PCDH9: variants seen among roughly 807,000 people sequenced by gnomAD.
PCDH9 encodes the protein protocadherin 9, also known as protocadherin-9.
Under a neutral mutation model 70.6 loss-of-function variants are expected in PCDH9, and 24 were observed. That is an observed-to-expected ratio of 0.34 (90% CI 0.25 to 0.48). The LOEUF (loss-of-function observed/expected upper bound fraction) is 0.48, where lower values mean the gene tolerates loss of function less well. Among genes scored for constraint, PCDH9 ranks in the 20% least tolerant of loss-of-function variants. The probability of loss-of-function intolerance (pLI) is 0.99; values close to 1 mark genes in which losing one functional copy is unlikely to be tolerated. For missense variants in PCDH9, 1,281 were observed against 1,503.6 expected (o/e 0.85, Z 2.45); for synonymous variants, 562 against 558.5 (o/e 1.01, Z -0.09).
chr13:66,773,772 T>G (rs541707935), intron 3 of PCDH9, among the ~76,000 whole-genome samples: 1 of 151,966 alleles, frequency 6.6e-6, no homozygotes, highest in Non-Finnish European at 1.5e-5. Flanking sequence ...GACCAATTTT[T>G]GTAATTTTTT....
intron 2 of PCDH9, among the ~76,000 whole-genome samples, chr13:66,980,742 G>GTTTTTTTTTTT (rs550869529): frequency 1.3e-4 from 14 of 107,380 alleles, no homozygotes; most frequent in Admixed American, 2.2e-4. Context: ...TTTTTTTTTT[G>GTTTTTTTTTTT]TTTTTTTTTT....
In PCDH9 at chr13:66,309,127, G is replaced by A. The variant is rs567141680; in HGVS notation, c.3341-4099C>T. 3.3e-5 allele frequency among the ~76,000 whole-genome samples: 5 copies of A among 151,996 alleles called. No homozygotes were observed. In the South Asian group the frequency reaches 1.0e-3, roughly 32 times the overall value. ...TATTTTGGGACATGACATTAAATAG[G>A]GAAAAGTTTAATTTGTTTCTTTGGG... On this transcript the variant is annotated intron_variant, in intron 4 of 4. Coordinates refer to ENST00000377865, the MANE Select transcript of PCDH9 (RefSeq NM_203487.3).
intron 2 of PCDH9, among the ~76,000 whole-genome samples, chr13:67,107,793 T>C (rs183843368): frequency 8.5e-5 from 13 of 152,284 alleles, no homozygotes; most frequent in Non-Finnish European, 1.9e-4. Flanking sequence ...TTGCTCACCA[T>C]ATTGCAGGCA....
intron 3 of PCDH9, among the ~76,000 whole-genome samples, chr13:66,698,909 T>C: frequency 8.0e-6 from 1 of 124,438 alleles, no homozygotes; most frequent in African/African-American, 2.7e-5. Context: ...TTTTTTTTTT[T>C]TTTTTTTTGT....
intron 4 of PCDH9, among the ~76,000 whole-genome samples, chr13:66,536,254 C>G (rs1420365659): frequency 1.3e-5 from 2 of 152,038 alleles, no homozygotes; most frequent in African/African-American, 4.8e-5. Context: ...GGGAGTACAA[C>G]AGCTGAAGCT....
chr13:66,680,108 C>G (rs866197503), intron 3 of PCDH9, among the ~76,000 whole-genome samples: 8 of 151,850 alleles, frequency 5.3e-5, no homozygotes, highest in Admixed American at 2.6e-4. Context: ...GGGGGATTGA[C>G]TATGTCCAAG....
At chr13:66,699,163 G>A (rs190326231) in intron 3 of PCDH9, among the ~76,000 whole-genome samples, 67 of 151,782 alleles carry the variant, frequency 4.4e-4, no homozygotes, top group Non-Finnish European at 7.9e-4. Flanking sequence ...ATCCTCCTTC[G>A]TTGGCCTCCC....
chr13:66,388,913 T>A (rs1227376376), intron 4 of PCDH9, among the ~76,000 whole-genome samples: 1 of 152,162 alleles, frequency 6.6e-6, no homozygotes, highest in Non-Finnish European at 1.5e-5. Context: ...AAACTAATAA[T>A]GACCAACATA....
chr13:66,591,816 C>T (rs568622235), intron 4 of PCDH9, among the ~76,000 whole-genome samples: 1 of 151,524 alleles, frequency 6.6e-6, no homozygotes, highest in African/African-American at 2.4e-5. Flanking sequence ...AGGGGGGGCT[C>T]ATTCTGCAAG....
chr13:66,909,444 A>C (rs2082420049), intron 2 of PCDH9, among the ~76,000 whole-genome samples: 1 of 152,048 alleles, frequency 6.6e-6, no homozygotes. Flanking sequence ...ACAAAAAAAA[A>C]AACATATCCT....
In PCDH9 at chr13:66,975,267, G is replaced by A. The variant is rs562010230; in HGVS notation, c.3037-71662C>T. ...AATTACTTTTAACGCTATTTGGAGA[G>A]ATCTCAATAAAATATGAACTATTTG... On this transcript the variant is annotated intron_variant, in intron 2 of 4. Transcript: ENST00000377865. Among the ~76,000 whole-genome samples the A allele has an allele frequency of 6.6e-5, 10 of 152,110 alleles. No homozygotes were observed. In the South Asian group the frequency reaches 1.7e-3, roughly 25 times the overall value.
chr13:66,961,481 G>C (rs1014323289), intron 2 of PCDH9, among the ~76,000 whole-genome samples: 8 of 152,122 alleles, frequency 5.3e-5, no homozygotes, highest in African/African-American at 1.7e-4. Flanking sequence ...CAAAATTTAA[G>C]AAATATTGAA....
chr13:66,756,285 T>C (rs951282039), intron 3 of PCDH9, among the ~76,000 whole-genome samples: 1 of 152,170 alleles, frequency 6.6e-6, no homozygotes, highest in African/African-American at 2.4e-5. Flanking sequence ...CAATTAAAAA[T>C]CAATCGTTTG....
At chr13:66,449,448 A>G (rs1037114947) in intron 4 of PCDH9, among the ~76,000 whole-genome samples, 13 of 152,206 alleles carry the variant, frequency 8.5e-5, no homozygotes, top group African/African-American at 3.1e-4. Context: ...ACAAACTATC[A>G]TCTGGACTTG....
At chr13:66,511,953 AC>A (rs1482777910) in intron 4 of PCDH9, among the ~76,000 whole-genome samples, 1 of 152,130 alleles carries the variant, frequency 6.6e-6, no homozygotes, top group African/African-American at 2.4e-5. Flanking sequence ...CAGTGCAAGA[AC>A]AGCCTAATAA....
At chr13:67,205,119 TA>T (rs1210944890) in intron 2 of PCDH9, 1 of 152,206 alleles carries the variant, frequency 6.6e-6, no homozygotes, top group Non-Finnish European at 1.5e-5. Flanking sequence ...TGCCATGAGC[TA>T]AAAGTAAACC....
chr13:66,802,086 C>T (rs2080335984), intron 3 of PCDH9, among the ~76,000 whole-genome samples: 1 of 151,244 alleles, frequency 6.6e-6, no homozygotes, highest in Non-Finnish European at 1.5e-5. Context: ...AATACAACTT[C>T]TAAACAGGTC....
intron 2 of PCDH9, chr13:66,991,229 T>C (rs2083996288): frequency 6.6e-6 from 1 of 152,078 alleles, no homozygotes; most frequent in African/African-American, 2.4e-5. Flanking sequence ...CCCAATTTTG[T>C]AAGATCAATC....
intron 2 of PCDH9, among the ~76,000 whole-genome samples, chr13:67,041,810 C>CAG (rs2085120031): frequency 6.8e-6 from 1 of 146,442 alleles, no homozygotes; most frequent in Non-Finnish European, 1.5e-5. Context: ...CAGCCTGGGC[C>CAG]ACAGAGTGAG....
Sources: allele counts gnomAD v4.1 joint callset (sites outside exome capture counted in the v4.1 genomes callset), GRCh38; gene constraint gnomAD v4.1.1; transcripts MANE v1.5; gene names NCBI Gene and HGNC (gene_info 2026-07-23, HGNC 2026-07-21).